Variants in RAP1GAP2 observed in about 807,000 individuals in gnomAD.
RAP1GAP2 encodes rap1 GTPase-activating protein 2.
A neutral mutation model predicts 95.0 loss-of-function variants in RAP1GAP2; 27 were observed. That is an observed-to-expected ratio of 0.28 (90% CI 0.21 to 0.39). RAP1GAP2 has a LOEUF of 0.39. RAP1GAP2 is among the 10% of genes least tolerant of loss of function. The probability of loss-of-function intolerance (pLI) is 1.00; values close to 1 mark genes in which losing one functional copy is unlikely to be tolerated. For synonymous variants in RAP1GAP2, 373 were observed against 380.9 expected (o/e 0.98, Z 0.24); for missense variants, 771 against 970.0 (o/e 0.79, Z 2.72).
At chr17:3,023,710 C>T (rs1237317266) in intron 19 of RAP1GAP2, among the ~76,000 whole-genome samples, 1 of 152,134 alleles carries the variant, frequency 6.6e-6, no homozygotes, top group Non-Finnish European at 1.5e-5. Flanking sequence ...CATAGGTATA[C>T]ATGTGCCATG....
rs1265569770 is a variant in RAP1GAP2 at position 2,867,486 on chromosome 17, TAGCAATACCAACAGGAAG to T, written c.81-37792_81-37775del. ...GCCCTGGGCTGACCTTCTACCCACT[TAGCAATACCAACAGGAAG>T]AGCAAATCTGTTTCCCAATCATTTC... On this transcript the variant is annotated intron_variant, in intron 2 of 24. Transcript: ENST00000254695. This position sits in a 1 kb window ranked among gnomAD's most constrained non-coding sequence, Gnocchi z 4.5. Among the ~76,000 whole-genome samples the T allele has an allele frequency of 6.6e-6, 1 of 152,136 alleles. No individual in the cohort carries two copies. Among genetic ancestry groups the T allele is most frequent in the African/African-American group, 2.4e-5 (1 of 41,442 alleles).
Position 3,030,986 on chromosome 17 carries a change from C to G in RAP1GAP2, c.2172C>G (p.Ala724=). 1 of 1,607,726 alleles carries G rather than the reference C, an allele frequency of 6.2e-7. No individual in the cohort carries two copies. The highest frequency in any genetic ancestry group is 8.5e-7 in the Non-Finnish European group (1 of 1,177,024). The change falls in exon 23 of 25, where the codon GCC becomes GCG. Residue 724 remains alanine, a synonymous_variant. Transcript: ENST00000254695. ...LKFRFDKLSH[A]SSGAGH is the part of the protein sequence containing the mutation. ...TCCGCTTTGACAAGCTCAGCCATGC[C>G]AGCTCTGGTGCGGTAAGGATGCGCC...
At chr17:2,852,336 G>A (rs1448490140) in intron 2 of RAP1GAP2, among the ~76,000 whole-genome samples, 1 of 135,470 alleles carries the variant, frequency 7.4e-6, no homozygotes, top group Non-Finnish European at 1.5e-5. Context: ...CAGGGAGGGG[G>A]TGGGGGTGGG....
intron 10 of RAP1GAP2, 130 bp from the exon 11 acceptor site, chr17:2,984,853 C>A: frequency 1.4e-6 from 2 of 1,466,424 alleles, no homozygotes; most frequent in South Asian, 2.7e-5. Flanking sequence ...TCTCTCCCTC[C>A]GTGTATGTGG....
At chr17:2,789,212 A>G (rs1597310239) in intron 1 of RAP1GAP2, among the ~76,000 whole-genome samples, 1 of 151,696 alleles carries the variant, frequency 6.6e-6, no homozygotes, top group East Asian at 1.9e-4. Context: ...ATGCCCCACT[A>G]ATTTTTGTAT....
chr17:2,793,986 A>G (rs73308018), upstream of RAP1GAP2, among the ~76,000 whole-genome samples: 10,296 of 150,276 alleles, frequency 0.069, 506 homozygotes, highest in South Asian at 0.21. Flanking sequence ...CTGTAAACAG[A>G]TATGTGGGAG....
intron 2 of RAP1GAP2, among the ~76,000 whole-genome samples, chr17:2,860,640 G>T (rs2072345197): frequency 9.2e-6 from 1 of 108,374 alleles, no homozygotes; most frequent in Admixed American, 1.5e-4. Flanking sequence ...ATCTTGCTCT[G>T]TCACCCATTC....
rs1310601982 is a variant in RAP1GAP2, at chr17:2,818,296, T to C, written c.80+17746T>C. ...TTTTGTGTTTTCTCTCAGCCCACTT[T>C]ATTTATTTATTTATTTATTTATTTA... On this transcript the variant is annotated intron_variant, in intron 2 of 24. Coordinates refer to ENST00000254695, the MANE Select transcript of RAP1GAP2 (RefSeq NM_015085.5). Among the ~76,000 whole-genome samples, 13 of 69,868 alleles carry C rather than the reference T, an allele frequency of 1.9e-4. No homozygotes were observed. In the Admixed American group the frequency reaches 2.5e-3, roughly 14 times the overall value. The allele number at this position is 69,868 out of a possible 152,430, so 45.8% of individuals were successfully genotyped here.
rs1247027068 is a variant in RAP1GAP2 at position 2,825,325 on chromosome 17, G to A, written c.80+24775G>A. On this transcript the variant is annotated intron_variant, in intron 2 of 24. Coordinates refer to ENST00000254695, the MANE Select transcript of RAP1GAP2 (RefSeq NM_015085.5). This position sits in a 1 kb window ranked among gnomAD's most constrained non-coding sequence, Gnocchi z 4.1. ...TTGGCTCATGATTTGGGCAAGAGGA[G>A]GGAGAAGGGAAGAGAAGAAACTTTG... Among the ~76,000 whole-genome samples the A allele has an allele frequency of 6.6e-6, 1 of 152,112 alleles. No homozygotes were observed. Among genetic ancestry groups the A allele is most frequent in the East Asian group, 1.9e-4 (1 of 5,196 alleles).
At position 3,036,897 on chromosome 17, in the gene RAP1GAP2, A is replaced by G. The variant is rs2047479876; in HGVS notation, c.*3536A>G. 1 of 152,552 alleles carries G rather than the reference A, an allele frequency of 6.6e-6. No individual in the cohort carries two copies. The allele number at this position is 152,552 out of a possible 1,614,324, so 9.4% of individuals were successfully genotyped here. ...CTCATTGGTTTCTAAGTCAGTAGAGACAGATCTGTTTTAAGCAGTTGGGGG... is the reference window on the plus strand; with the variant it reads ...CTCATTGGTTTCTAAGTCAGTAGAGGCAGATCTGTTTTAAGCAGTTGGGGG... On this transcript the variant is annotated 3_prime_UTR_variant, in exon 25 of 25. Coordinates refer to ENST00000254695, the MANE Select transcript of RAP1GAP2 (RefSeq NM_015085.5).
Position 2,963,411 on chromosome 17 carries a change from C to T in RAP1GAP2, c.247-19C>T. On this transcript the variant is annotated intron_variant, in intron 5 of 24. Coordinates refer to ENST00000254695, the MANE Select transcript of RAP1GAP2 (RefSeq NM_015085.5). The surrounding 1 kb of genome is among the most constrained non-coding windows in gnomAD (Gnocchi z 4.8). The stretch of plus-strand genomic sequence containing the variant: ...GCACTGCCGGGACTAACGGTGGCAT[C>T]ATCTGGTTTGTCTTGCAGGACGACT... The T allele has an allele frequency of 6.2e-7, 1 of 1,613,692 alleles. No individual in the cohort carries two copies. The highest frequency in any genetic ancestry group is 8.5e-7 in the Non-Finnish European group (1 of 1,179,778).
intron 4 of RAP1GAP2, among the ~76,000 whole-genome samples, chr17:2,961,821 G>A (rs980993089): frequency 2.6e-5 from 4 of 151,930 alleles, no homozygotes; most frequent in African/African-American, 4.8e-5. Flanking sequence ...GCTCTAGAGC[G>A]CTGGCTCCGA....
chr17:2,882,119 C>CTTTTTTT (rs1182195871), intron 2 of RAP1GAP2, among the ~76,000 whole-genome samples: 3 of 131,826 alleles, frequency 2.3e-5, no homozygotes, highest in African/African-American at 5.7e-5. Context: ...TGTGCCTGGC[C>CTTTTTTT]TTTTTTTTTT....
At chr17:2,854,631 C>A (rs993586686) in intron 2 of RAP1GAP2, among the ~76,000 whole-genome samples, 1 of 152,192 alleles carries the variant, frequency 6.6e-6, no homozygotes, top group African/African-American at 2.4e-5. Context: ...GCCTTTCTGG[C>A]GTTTGTTCTT....
Position 2,827,296 on chromosome 17 carries a change from G to C in RAP1GAP2, c.80+26746G>C, listed in dbSNP as rs1014882637. On this transcript the variant is annotated intron_variant, in intron 2 of 24. Coordinates refer to ENST00000254695, the MANE Select transcript of RAP1GAP2 (RefSeq NM_015085.5). The surrounding 1 kb of genome is among the most constrained non-coding windows in gnomAD (Gnocchi z 4.1). ...AGCTCTCATTCCCAAAGCGTGTTCT[G>C]AGTGTGAGTCCTACAAAAGTGGACA... Among the ~76,000 whole-genome samples the C allele has an allele frequency of 1.3e-5, 2 of 152,180 alleles. No homozygotes were observed. Among genetic ancestry groups the C allele is most frequent in the African/African-American group, 4.8e-5 (2 of 41,444 alleles).
intron 1 of RAP1GAP2, among the ~76,000 whole-genome samples, chr17:2,759,317 G>A (rs1464861416): frequency 6.6e-6 from 1 of 152,092 alleles, no homozygotes; most frequent in Non-Finnish European, 1.5e-5. Context: ...ATCTTGCTCT[G>A]TCACCCAGGA....
In RAP1GAP2 at chr17:2,829,597, C is replaced by T. The variant is rs533000577; in HGVS notation, c.80+29047C>T. Reference sequence around the variant, plus strand: ...ACAGAACAGCTGCACAAGAGCTCACCGAAGGGCTTGTTATGAAAGAGTCAT... The same window carrying T: ...ACAGAACAGCTGCACAAGAGCTCACTGAAGGGCTTGTTATGAAAGAGTCAT... On this transcript the variant is annotated intron_variant, in intron 2 of 24. Transcript: ENST00000254695. Among the ~76,000 whole-genome samples the T allele has an allele frequency of 5.3e-5, 8 of 152,184 alleles. No homozygotes were observed. In the South Asian group the frequency reaches 1.0e-3, roughly 20 times the overall value.
In RAP1GAP2 at chr17:2,828,309, C is replaced by G. The variant is rs1010329053; in HGVS notation, c.80+27759C>G. Among the ~76,000 whole-genome samples, 3 of 151,434 alleles carry G rather than the reference C, an allele frequency of 2.0e-5. No individual in the cohort carries two copies. The Admixed American group carries it at 2.0e-4, about 10-fold the overall frequency. ...TGAGCCGAGATCGCGCCATTGCACTCCAACCTGGGCGACAGTGAGACTCCA... is the reference window on the plus strand; with the variant it reads ...TGAGCCGAGATCGCGCCATTGCACTGCAACCTGGGCGACAGTGAGACTCCA... On this transcript the variant is annotated intron_variant, in intron 2 of 24. Transcript: ENST00000254695.
intron 2 of RAP1GAP2, among the ~76,000 whole-genome samples, chr17:2,843,362 G>A (rs1045800339): frequency 2.0e-5 from 3 of 151,172 alleles, no homozygotes; most frequent in East Asian, 1.9e-4. Context: ...CTCGGCTCAC[G>A]GCAACCTCCA....
Sources: gnomAD v4.1 joint callset for allele counts (sites outside exome capture counted in the v4.1 genomes callset) on GRCh38, gnomAD v4.1.1 for gene constraint, Gnocchi (gnomAD v3.1) non-coding constraint, MANE v1.5 for transcripts, NCBI Gene and HGNC (gene_info 2026-07-23, HGNC 2026-07-21) for gene names.